Variants in MTUS1 observed in about 807,000 individuals in gnomAD.
The protein encoded by MTUS1 is microtubule-associated tumor suppressor 1.
In MTUS1, 109 loss-of-function variants were observed where a neutral mutation model predicts 120.8. The ratio of observed to expected loss-of-function variants is 0.90; its 90% confidence interval spans 0.77 to 1.06. The LOEUF is 1.06. Among genes scored for constraint, MTUS1 ranks in the 50% least tolerant of loss-of-function variants. The probability of loss-of-function intolerance (pLI) is 0.00; values close to 1 mark genes in which losing one functional copy is unlikely to be tolerated. For missense variants in MTUS1, 2,210 were observed against 1,486.3 expected, an observed-to-expected ratio of 1.49 and a Z score of -8.01; for synonymous variants, 737 against 550.5, an observed-to-expected ratio of 1.34 and a Z score of -4.74.
Position 17,723,796 on chromosome 8 carries a change from C to T in MTUS1, c.2325G>A (p.Trp775Ter). 2 of 1,604,238 alleles carry T rather than the reference C, an allele frequency of 1.2e-6. 1 individual carries two copies. The highest frequency in any genetic ancestry group is 2.2e-5 in the South Asian group (2 of 90,290). Reference protein sequence around the residue: ...PTSLKTAQSSWVNLPRPLPKS... With the variant: ...PTSLKTAQSS The stretch of plus-strand genomic sequence containing the variant: ...TAGGAAGTGGTCTAGGCAAATTCAC[C>T]CATGACGACTGTGCAGTTTTCAAGG... The change falls in exon 4 of 15, where the codon TGG becomes TGA. Residue 775 changes from tryptophan (W) to a stop codon, truncating the protein, a stop_gained. Coordinates refer to ENST00000693296, the MANE Select transcript of MTUS1 (RefSeq NM_001363059.2). LOFTEE classifies it high-confidence loss of function.
chr8:17,653,690 T>C (rs562250089), intron 10 of MTUS1, 192 bp from the exon 11 acceptor site: 70 of 510,980 alleles, frequency 1.4e-4, no homozygotes, highest in African/African-American at 1.3e-3. Flanking sequence ...GGGTAGACAT[T>C]CCCATTTTAT....
intron 12 of MTUS1, chr8:17,651,644 C>G (rs987187301): frequency 6.6e-6 from 1 of 151,862 alleles, no homozygotes; most frequent in African/African-American, 2.4e-5. Context: ...CTTGTACCCT[C>G]TGCATTTTCT....
chr8:17,758,146 A>G (rs1274476060), intron 1 of MTUS1: 1 of 152,240 alleles, frequency 6.6e-6, no homozygotes, highest in Non-Finnish European at 1.5e-5. Flanking sequence ...TTGCCGAATG[A>G]AGAGTAGGTC....
At chr8:17,683,591 C>T (rs927864991) in intron 7 of MTUS1, among the ~76,000 whole-genome samples, 6 of 152,100 alleles carry the variant, frequency 3.9e-5, no homozygotes, top group Admixed American at 2.6e-4. Context: ...AGTACTGAGC[C>T]AGTCTTTTTT....
At chr8:17,726,324 C>T (rs1437056433) in intron 3 of MTUS1, among the ~76,000 whole-genome samples, 1 of 152,148 alleles carries the variant, frequency 6.6e-6, no homozygotes, top group African/African-American at 2.4e-5. Flanking sequence ...TCTCTGAATG[C>T]CGTGGACTAA....
At chr8:17,684,685 G>C in intron 6 of MTUS1, 143 bp from the exon 7 acceptor site, 1 of 661,550 alleles carries the variant, frequency 1.5e-6, no homozygotes, top group Non-Finnish European at 2.7e-6. Context: ...GATGAGAACT[G>C]GAATGAATCG....
intron 8 of MTUS1, 90 bp from the exon 9 acceptor site, chr8:17,656,155 C>T (rs1271800939): frequency 7.0e-6 from 8 of 1,136,438 alleles, no homozygotes; most frequent in Non-Finnish European, 1.0e-5. Context: ...TGTGATGACA[C>T]CTGAAGCATA....
At chr8:17,737,266 G>T (rs2047002027) in intron 3 of MTUS1, among the ~76,000 whole-genome samples, 1 of 152,162 alleles carries the variant, frequency 6.6e-6, no homozygotes, top group Non-Finnish European at 1.5e-5. Flanking sequence ...TTCCTCATCT[G>T]TAGAATGGCG....
At chr8:17,702,927 T>C (rs547432489) in intron 6 of MTUS1, among the ~76,000 whole-genome samples, 1 of 152,324 alleles carries the variant, frequency 6.6e-6, no homozygotes, top group South Asian at 2.1e-4. Flanking sequence ...TCTCTAAAAA[T>C]ACTCTTATAA....
At chr8:17,696,559 C>A (rs1241138533) in intron 6 of MTUS1, among the ~76,000 whole-genome samples, 1 of 152,136 alleles carries the variant, frequency 6.6e-6, no homozygotes, top group Admixed American at 6.5e-5. Flanking sequence ...ACAAAAGTAG[C>A]AACATAGGCC....
At chr8:17,758,937 A>C (rs1307592744) in intron 1 of MTUS1, among the ~76,000 whole-genome samples, 5 of 152,334 alleles carry the variant, frequency 3.3e-5, no homozygotes, top group East Asian at 1.9e-4. Context: ...GCTGGAGTGC[A>C]GTGGCGCGAT....
At chr8:17,778,146 A>AT (rs1158585236) in intron 1 of MTUS1, among the ~76,000 whole-genome samples, 8 of 151,594 alleles carry the variant, frequency 5.3e-5, no homozygotes, top group South Asian at 4.2e-4. Context: ...CGGGTAGATT[A>AT]TTTTTTTTTA....
At chr8:17,751,755 G>A (rs1020316286) in intron 2 of MTUS1, among the ~76,000 whole-genome samples, 3 of 151,318 alleles carry the variant, frequency 2.0e-5, no homozygotes, top group South Asian at 2.1e-4. Context: ...CTACCTGGGA[G>A]GCTGAGGCAG....
chr8:17,658,485 T>G (rs1051706474), intron 8 of MTUS1, among the ~76,000 whole-genome samples: 3 of 152,130 alleles, frequency 2.0e-5, no homozygotes, highest in African/African-American at 7.2e-5. Flanking sequence ...AAGCCTGACT[T>G]TGGACATTCC....
intron 6 of MTUS1, among the ~76,000 whole-genome samples, chr8:17,711,320 A>G (rs1821256663): frequency 6.6e-6 from 1 of 152,222 alleles, no homozygotes; most frequent in Non-Finnish European, 1.5e-5. Context: ...AGCCACCTTT[A>G]TCAAATGATC....
In MTUS1 at chr8:17,717,909, G is replaced by C. The variant is rs140346754; in HGVS notation, c.2450-2008C>G. Among the ~76,000 whole-genome samples, 29 of 152,162 alleles carry C rather than the reference G, an allele frequency of 1.9e-4. 1 individual carries two copies. The highest frequency in any genetic ancestry group is 9.7e-4 in the East Asian group (5 of 5,172). Reference sequence around the variant, plus strand: ...TTCATACTGCAAGGATAAAATGTCTGCGTTTGACTCAGGTACAAACACACA... The same window carrying C: ...TTCATACTGCAAGGATAAAATGTCTCCGTTTGACTCAGGTACAAACACACA... On this transcript the variant is annotated intron_variant, in intron 4 of 14. Coordinates refer to ENST00000693296, the MANE Select transcript of MTUS1 (RefSeq NM_001363059.2).
intron 2 of MTUS1, among the ~76,000 whole-genome samples, chr8:17,746,559 G>A (rs1212900736): frequency 6.6e-6 from 1 of 152,094 alleles, no homozygotes; most frequent in East Asian, 1.9e-4. Context: ...AAAACCATCA[G>A]ATCTCATGAG....
chr8:17,761,710 A>C (rs1206276809), intron 1 of MTUS1, among the ~76,000 whole-genome samples: 1 of 152,254 alleles, frequency 6.6e-6, no homozygotes, highest in Admixed American at 6.5e-5. Flanking sequence ...TCATTACTTT[A>C]TAACCACACA....
intron 8 of MTUS1, among the ~76,000 whole-genome samples, chr8:17,670,199 G>C (rs949289545): frequency 6.6e-6 from 1 of 152,220 alleles, no homozygotes; most frequent in African/African-American, 2.4e-5. Context: ...GCTCAGGAAG[G>C]AAGGGGCTGG....
Sources: gnomAD v4.1 joint callset for allele counts (sites outside exome capture counted in the v4.1 genomes callset) on GRCh38, gnomAD v4.1.1 for gene constraint, MANE v1.5 for transcripts, NCBI Gene and HGNC (gene_info 2026-07-23, HGNC 2026-07-21) for gene names.